PTGER4: variants seen among roughly 807,000 people sequenced by gnomAD.
The protein encoded by PTGER4 is prostaglandin E receptor 4.
A neutral mutation model predicts 33.2 loss-of-function variants in PTGER4; 11 were observed. The ratio of observed to expected loss-of-function variants is 0.33; its 90% CI spans 0.21 to 0.55. PTGER4 has a LOEUF of 0.55. Ranked by LOEUF, PTGER4 falls within the 20% of genes least tolerant of loss-of-function variation. The pLI, the probability that PTGER4 is intolerant of heterozygous loss-of-function variation, is 0.92. For synonymous variants in PTGER4, 275 were observed against 281.5 expected (o/e 0.98, Z 0.23); for missense variants, 481 against 650.2 (o/e 0.74, Z 2.83).
chr5:40,696,566 G>A, downstream of PTGER4: 1 of 676,224 alleles, frequency 1.5e-6, no homozygotes, highest in Non-Finnish European at 1.8e-6. Context: ...TTGGCAGAAA[G>A]GAAGAGAGAA....
At chr5:40,694,731 G>A (rs1349352853), downstream of PTGER4, among the ~76,000 whole-genome samples, 2 of 152,164 alleles carry the variant, frequency 1.3e-5, no homozygotes, top group African/African-American at 4.8e-5. Flanking sequence ...GTCACAATGA[G>A]GGTTAGGGCT....
chr5:40,730,171 G>T, the PTGER4 span: 1 of 938,508 alleles, frequency 1.1e-6, no homozygotes, highest in Non-Finnish European at 1.6e-6. Context: ...AAGAAAATGG[G>T]AGAAAATGCT....
chr5:40,692,649 T>G lies in PTGER4; in HGVS notation c.*271T>G. 8.6e-7 allele frequency: 1 copy of G among 1,158,840 alleles called. No individual in the cohort carries two copies. The highest frequency in any genetic ancestry group is 1.1e-6 in the Non-Finnish European group (1 of 938,064). 71.8% of individuals were successfully genotyped at this position (1,158,840 alleles called of 1,614,324 possible). On this transcript the variant is annotated 3_prime_UTR_variant, in exon 3 of 3. Coordinates refer to ENST00000302472, the MANE Select transcript of PTGER4 (RefSeq NM_000958.3). Reference sequence around the variant, plus strand: ...GAAGACCTACCCTCCGTTTTTCTACTAGATAGGAGGATGGTAGAAGTTTGG... The same window carrying G: ...GAAGACCTACCCTCCGTTTTTCTACGAGATAGGAGGATGGTAGAAGTTTGG...
chr5:40,702,420 G>A, the PTGER4 span, among the ~76,000 whole-genome samples: 5 of 152,108 alleles, frequency 3.3e-5, no homozygotes. Flanking sequence ...GACAAAGAAG[G>A]CATTACCTTA....
chr5:40,708,726 C>CA, the PTGER4 span, among the ~76,000 whole-genome samples: 29 of 152,086 alleles, frequency 1.9e-4, no homozygotes, highest in Middle Eastern at 3.4e-3. Context: ...AGAGACACAA[C>CA]AAAAAAAGAG....
chr5:40,689,719 G>C (rs1741422059), intron 2 of PTGER4, among the ~76,000 whole-genome samples: 1 of 152,140 alleles, frequency 6.6e-6, no homozygotes, highest in South Asian at 2.1e-4. Flanking sequence ...AGTCTTGTTA[G>C]AGATATTTGC....
At chr5:40,697,298 A>AAAGAAAGAAAG (rs1561134578), downstream of PTGER4, among the ~76,000 whole-genome samples, 1 of 138,692 alleles carries the variant, frequency 7.2e-6, no homozygotes, top group South Asian at 2.3e-4. Context: ...AAGAAAGAAA[A>AAAGAAAGAAAG]AGAAAGGCCA....
the PTGER4 span, among the ~76,000 whole-genome samples, chr5:40,713,675 G>A: frequency 2.6e-5 from 4 of 152,144 alleles, no homozygotes; most frequent in Non-Finnish European, 5.9e-5. Flanking sequence ...TCTGACTAAT[G>A]AGTGTCTATG....
the PTGER4 span, among the ~76,000 whole-genome samples, chr5:40,724,229 T>C: frequency 1.3e-5 from 2 of 152,200 alleles, no homozygotes; most frequent in Non-Finnish European, 2.9e-5. Context: ...ACAACATGGA[T>C]GGGACTTTGA....
At chr5:40,733,597 A>G in the PTGER4 span, among the ~76,000 whole-genome samples, 1 of 152,168 alleles carries the variant, frequency 6.6e-6, no homozygotes, top group Non-Finnish European at 1.5e-5. Flanking sequence ...TTATCACCCC[A>G]TAGAAGGCAT....
At chr5:40,705,049 G>A in the PTGER4 span, among the ~76,000 whole-genome samples, 1 of 152,064 alleles carries the variant, frequency 6.6e-6, no homozygotes, top group Non-Finnish European at 1.5e-5. Flanking sequence ...AAAGCTGGAG[G>A]AATCACATTA....
chr5:40,743,474 C>G, the PTGER4 span, among the ~76,000 whole-genome samples: 1 of 151,938 alleles, frequency 6.6e-6, no homozygotes, highest in Admixed American at 6.6e-5. Flanking sequence ...AGTTTAGTAG[C>G]CTCTTAAATA....
At chr5:40,716,488 C>G in the PTGER4 span, 2 of 1,585,912 alleles carry the variant, frequency 1.3e-6, no homozygotes, top group Non-Finnish European at 1.7e-6. Flanking sequence ...TACTTGAAAA[C>G]TTCGAATTGC....
the PTGER4 span, among the ~76,000 whole-genome samples, chr5:40,726,758 T>C: frequency 6.6e-6 from 1 of 152,280 alleles, no homozygotes; most frequent in African/African-American, 2.4e-5. Context: ...AAATATTATG[T>C]CCTAGAGATT....
chr5:40,731,515 G>A, the PTGER4 span, among the ~76,000 whole-genome samples: 10 of 152,196 alleles, frequency 6.6e-5, no homozygotes, highest in Admixed American at 6.5e-4. Context: ...GGCAGAAGGG[G>A]AAGCAAACAC....
Position 40,692,930 on chromosome 5 carries a change from A to C in PTGER4, c.*552A>C, listed in dbSNP as rs981303344. ...CAACCCCTCTCCTTCCAGTATAACC[A>C]GCTGAAGTTGCAGATGTTAGATATT... On this transcript the variant is annotated 3_prime_UTR_variant, in exon 3 of 3. Transcript: ENST00000302472. 2.0e-6 allele frequency: 2 copies of C among 976,132 alleles called. No homozygotes were observed. Among genetic ancestry groups the C allele is most frequent in the Admixed American group, 1.2e-4 (2 of 16,252 alleles). The allele number at this position is 976,132 out of a possible 1,614,324, so 60.5% of individuals were successfully genotyped here. A position where few individuals can be genotyped will look rare whatever the true frequency, so the allele number is the denominator to read the frequency against.
Position 40,681,409 on chromosome 5 carries a change from C to T in PTGER4, c.416C>T (p.Thr139Met). Residue 139 changes from threonine to methionine, a missense_variant, in exon 2 of 3, where the codon ACG becomes ATG. Thr to Met is a moderately conservative substitution (Grantham distance 81). This residue lies in a region of PTGER4 where 43 missense variants were observed against 39.4 expected (regional missense o/e 1.09). Transcript: ENST00000302472. The surrounding 1 kb of genome is among the most constrained non-coding windows in gnomAD (Gnocchi z 9.8). ...GTGGACAAGCGATTGGCGGGCCTCA[C>T]GCTCTTTGCAGTCTATGCGTCCAAC... The part of the protein sequence containing the change: ...HYVDKRLAGL[T>M]LFAVYASNVL... 1.9e-6 allele frequency: 3 copies of T among 1,614,046 alleles called. No homozygotes were observed. Among genetic ancestry groups the T allele is most frequent in the Non-Finnish European group, 2.5e-6 (3 of 1,180,050 alleles).
chr5:40,725,150 A>ATTT, the PTGER4 span, among the ~76,000 whole-genome samples: 2 of 139,288 alleles, frequency 1.4e-5, no homozygotes, highest in Non-Finnish European at 3.2e-5. Flanking sequence ...GCCCAGCCAA[A>ATTT]TTTTTTTTTT....
the PTGER4 span, among the ~76,000 whole-genome samples, chr5:40,742,910 G>A: frequency 6.6e-6 from 1 of 152,186 alleles, no homozygotes; most frequent in African/African-American, 2.4e-5. Context: ...AACGTTTTTA[G>A]CCATAATACA....
Sources: gnomAD v4.1 joint callset for allele counts (sites outside exome capture counted in the v4.1 genomes callset) on GRCh38, gnomAD v4.1.1 for gene constraint, gnomAD v4.1.1 regional missense constraint, Gnocchi (gnomAD v3.1) non-coding constraint, MANE v1.5 for transcripts, NCBI Gene and HGNC (gene_info 2026-07-23, HGNC 2026-07-21) for gene names.